Variants in USF3 observed in about 807,000 individuals in gnomAD.
USF3 encodes basic helix-loop-helix domain-containing protein USF3.
USF3 carries 29 observed loss-of-function variants against 157.5 expected under a neutral mutation model. The ratio of observed to expected loss-of-function variants is 0.18; its 90% CI spans 0.14 to 0.25. The LOEUF is 0.25. USF3 is among the 10% of genes least tolerant of loss of function. USF3 has a pLI of 1.00. For synonymous variants in USF3, 893 were observed against 941.4 expected (o/e 0.95, Z 0.94); for missense variants, 2,381 against 2,667.6 (o/e 0.89, Z 2.37).
rs534755701 is a variant in USF3, at chr3:113,656,521, C to T, written c.5161G>A (p.Val1721Met). The change falls in exon 7 of 7, where the codon GTG (valine) becomes ATG (methionine). Residue 1721 changes from valine (V) to methionine (M), a missense_variant. Val to Met is a conservative substitution (Grantham distance 21). This residue lies in a region of USF3 where 770 missense variants were observed against 824.2 expected (regional missense o/e 0.93). Coordinates refer to ENST00000316407, the MANE Select transcript of USF3 (RefSeq NM_001009899.4). ...SLAIHNMQGR[V>M]DHTVASDIRL... ...ATATCTGAGGCCACAGTATGGTCCA[C>T]ACGACCCTGCATATTATGAATAGCC... 3.7e-6 allele frequency: 6 copies of T among 1,614,226 alleles called. No individual in the cohort carries two copies. Among genetic ancestry groups the T allele is most frequent in the African/African-American group, 1.3e-5 (1 of 75,060 alleles).
chr3:113,655,014 T>C lies in USF3; in HGVS notation c.6668A>G (p.Lys2223Arg), dbSNP rs1346551144. ...IANSSASDSS[K>R]QSSNRPAHNI... The stretch of plus-strand genomic sequence containing the variant: ...ATGGGCAGGTCTGTTTGAGGACTGC[T>C]TGGAAGAGTCAGAGGCAGAGGAATT... Residue 2223 changes from lysine (K) to arginine (R), a missense_variant, in exon 7 of 7, where the codon AAG becomes AGG. By Grantham distance (26) the Lys-to-Arg change is conservative. Coordinates refer to ENST00000316407, the MANE Select transcript of USF3 (RefSeq NM_001009899.4). 1.2e-6 allele frequency: 2 copies of C among 1,614,078 alleles called. No homozygotes were observed. The highest frequency in any genetic ancestry group is 1.7e-6 in the Non-Finnish European group (2 of 1,180,024).
Position 113,674,827 on chromosome 3 carries a change from C to T in USF3, c.47+5G>A. 1.2e-6 allele frequency: 2 copies of T among 1,612,448 alleles called. No individual in the cohort carries two copies. The highest frequency in any genetic ancestry group is 1.1e-5 in the South Asian group (1 of 91,030). On this transcript the variant is annotated splice_donor_5th_base_variant and intron_variant, in intron 3 of 6. Coordinates refer to ENST00000316407, the MANE Select transcript of USF3 (RefSeq NM_001009899.4). ...GCATATTATATTGGGGCTGTGGATA[C>T]ATACCTGTGCTGCTTTTTTGTAGGC...
At position 113,655,359 on chromosome 3, in the gene USF3, G is replaced by T. The variant is rs745404434; in HGVS notation, c.6323C>A (p.Pro2108His). 1 of 1,613,944 alleles carries T rather than the reference G, an allele frequency of 6.2e-7. No individual in the cohort carries two copies. Among genetic ancestry groups the T allele is most frequent in the Non-Finnish European group, 8.5e-7 (1 of 1,179,880 alleles). ...LIPVDPQNTL[P>H]SFYPPYSPAH... ...AGGAGAGTATGGAGGATAGAAGGAGGGCAGAGTATTTTGCGGATCTACCGG... is the reference window on the plus strand; with the variant it reads ...AGGAGAGTATGGAGGATAGAAGGAGTGCAGAGTATTTTGCGGATCTACCGG... The change falls in exon 7 of 7, where the codon CCC becomes CAC. Residue 2108 changes from proline to histidine, a missense_variant. This residue lies in a region of USF3 where 770 missense variants were observed against 824.2 expected (regional missense o/e 0.93). Transcript: ENST00000316407.
At chr3:113,673,805 A>C (rs1707215387) in intron 3 of USF3, among the ~76,000 whole-genome samples, 1 of 152,230 alleles carries the variant, frequency 6.6e-6, no homozygotes, top group African/African-American at 2.4e-5. Flanking sequence ...CAGCAGAGTA[A>C]TTTTGTAATC....
At chr3:113,677,849 A>G (rs562049922) in intron 1 of USF3, among the ~76,000 whole-genome samples, 2 of 152,330 alleles carry the variant, frequency 1.3e-5, no homozygotes, top group South Asian at 4.1e-4. Context: ...CACTAGGAAG[A>G]CAGCCCTCAG....
At chr3:113,679,053 C>T (rs1039819233) in intron 1 of USF3, among the ~76,000 whole-genome samples, 2 of 151,642 alleles carry the variant, frequency 1.3e-5, no homozygotes, top group Non-Finnish European at 2.9e-5. Context: ...AACTCCTGGC[C>T]TCAAGCGATC....
At chr3:113,696,124 C>T (rs1221325310) in intron 1 of USF3, among the ~76,000 whole-genome samples, 1 of 152,240 alleles carries the variant, frequency 6.6e-6, no homozygotes, top group Admixed American at 6.5e-5. Context: ...CCCCCACGGG[C>T]CTGGCAGCCG....
At chr3:113,670,338 C>A (rs1707121870) in intron 4 of USF3, 135 bp from the exon 5 acceptor site, 1 of 632,380 alleles carries the variant, frequency 1.6e-6, no homozygotes, top group South Asian at 1.8e-5. Flanking sequence ...ATGGTTCACA[C>A]CTGCAAACCC....
At position 113,658,086 on chromosome 3, in the gene USF3, T is replaced by C. The variant is rs1947401193; in HGVS notation, c.3596A>G (p.Gln1199Arg). 2 of 1,614,060 alleles carry C rather than the reference T, an allele frequency of 1.2e-6. No homozygotes were observed. The highest frequency in any genetic ancestry group is 1.7e-6 in the Non-Finnish European group (2 of 1,179,992). ...CTCCATAGTTGCTTCAATTGAACCCTGAGAATTAAATTCATTTGGTGTTGC... is the reference window on the plus strand; with the variant it reads ...CTCCATAGTTGCTTCAATTGAACCCCGAGAATTAAATTCATTTGGTGTTGC... ...AEATPNEFNS[Q>R]GSIEATMERP... The change falls in exon 7 of 7, where the codon CAG (glutamine) becomes CGG (arginine). Residue 1199 changes from glutamine to arginine, a missense_variant. By Grantham distance (43) the Gln-to-Arg change is conservative. This residue lies in a region of USF3 where 1,435 missense variants were observed against 1,550.9 expected (regional missense o/e 0.93). Coordinates refer to ENST00000316407, the MANE Select transcript of USF3 (RefSeq NM_001009899.4).
chr3:113,687,229 TCACACACACACACACACACACACA>T (rs67480409), intron 1 of USF3, among the ~76,000 whole-genome samples: 1 of 102,480 alleles, frequency 9.8e-6, no homozygotes, highest in Admixed American at 9.4e-5. Context: ...ACACACACAG[TCACACACACACACACACACACACA>T]CACACACACA....
At position 113,696,553 on chromosome 3, in the gene USF3, CCCGCCGCCTCTTTTTGCGGCCA is replaced by C. The variant is rs1342395176; in HGVS notation, c.-340_-319del. 6.6e-6 allele frequency: 1 copy of C among 152,038 alleles called. No individual in the cohort carries two copies. The highest frequency in any genetic ancestry group is 1.9e-4 in the East Asian group (1 of 5,176). 9.4% of individuals were successfully genotyped at this position (152,038 alleles called of 1,614,324 possible). A position where few individuals can be genotyped will look rare whatever the true frequency, so the allele number is the denominator to read the frequency against. On this transcript the variant is annotated 5_prime_UTR_variant, in exon 1 of 7. Coordinates refer to ENST00000316407, the MANE Select transcript of USF3 (RefSeq NM_001009899.4). ...GCCCAGGCCCTCCTCTCCCCCCGCC[CCCGCCGCCTCTTTTTGCGGCCA>C]CCGCAGCCGCTGCGAGCCCGAGCCC...
Position 113,649,923 on chromosome 3 carries a change from G to A in USF3, c.*5021C>T. Reference sequence around the variant, plus strand: ...AAGGCCCTTTTCTTTCAAACCCTGGGGAAAGAAAAATGGTAATGTTCAGCC... The same window carrying A: ...AAGGCCCTTTTCTTTCAAACCCTGGAGAAAGAAAAATGGTAATGTTCAGCC... On this transcript the variant is annotated 3_prime_UTR_variant, in exon 7 of 7. Coordinates refer to ENST00000316407, the MANE Select transcript of USF3 (RefSeq NM_001009899.4). 2.9e-6 allele frequency: 2 copies of A among 691,382 alleles called. No homozygotes were observed. Among genetic ancestry groups the A allele is most frequent in the Non-Finnish European group, 2.6e-6 (1 of 380,938 alleles). The allele number at this position is 691,382 out of a possible 1,614,324, so 42.8% of individuals were successfully genotyped here. A position where few individuals can be genotyped will look rare whatever the true frequency, so the allele number is the denominator to read the frequency against.
Position 113,659,896 on chromosome 3 carries a change from C to A in USF3, c.1786G>T (p.Ala596Ser). The A allele has an allele frequency of 6.2e-7, 1 of 1,614,140 alleles. No homozygotes were observed. Among genetic ancestry groups the A allele is most frequent in the Non-Finnish European group, 8.5e-7 (1 of 1,180,028 alleles). ...AGTCGAACAGAACCAGGAGGTGGAGCAGGGAGGAGTGGCAAAGGATTCTGA... is the reference window on the plus strand; with the variant it reads ...AGTCGAACAGAACCAGGAGGTGGAGAAGGGAGGAGTGGCAAAGGATTCTGA... ...ANQNPLPLLPAPPPGSVRLPI... is the reference protein window; with the variant it reads ...ANQNPLPLLPSPPPGSVRLPI... The change falls in exon 7 of 7, where the codon GCT becomes TCT. Residue 596 changes from alanine to serine, a missense_variant. This residue lies in a region of USF3 where 1,435 missense variants were observed against 1,550.9 expected (regional missense o/e 0.93). Coordinates refer to ENST00000316407, the MANE Select transcript of USF3 (RefSeq NM_001009899.4).
In USF3 at chr3:113,664,295, G is replaced by C. The variant is rs1947530129; in HGVS notation, c.256+18C>G. 1 of 1,450,186 alleles carries C rather than the reference G, an allele frequency of 6.9e-7. No homozygotes were observed. Among genetic ancestry groups the C allele is most frequent in the East Asian group, 2.3e-5 (1 of 44,052 alleles). 89.8% of individuals were successfully genotyped at this position (1,450,186 alleles called of 1,614,324 possible). A position where few individuals can be genotyped will look rare whatever the true frequency, so the allele number is the denominator to read the frequency against. On this transcript the variant is annotated intron_variant, in intron 6 of 6. Coordinates refer to ENST00000316407, the MANE Select transcript of USF3 (RefSeq NM_001009899.4). ...CATTTTAAAATACAACAAAAAGTAA[G>C]AACTTTTAAATCTTTACCTTGTTCA...
chr3:113,686,650 T>A (rs1707554221), intron 1 of USF3, among the ~76,000 whole-genome samples: 1 of 152,202 alleles, frequency 6.6e-6, no homozygotes, highest in African/African-American at 2.4e-5. Context: ...TGCTGGAGGG[T>A]TCTATTCAGC....
At chr3:113,688,737 T>C (rs907716213) in intron 1 of USF3, among the ~76,000 whole-genome samples, 4 of 152,208 alleles carry the variant, frequency 2.6e-5, no homozygotes, top group Non-Finnish European at 2.9e-5. Flanking sequence ...GCACAGCCAC[T>C]GCGGTCATTA....
rs13096769 is a variant in USF3 at position 113,681,724 on chromosome 3, A to T, written c.-134-4327T>A. 8.0e-3 allele frequency among the ~76,000 whole-genome samples: 1,156 copies of T among 143,992 alleles called. 14 individuals are homozygous for T. Among genetic ancestry groups the T allele is most frequent in the African/African-American group, 0.026 (1,026 of 39,224 alleles). The allele number at this position is 143,992 out of a possible 152,430, so 94.5% of individuals were successfully genotyped here. ...AATATTATTTCAATTTAAAAAAAAA[A>T]TTTTTTTTTTTTTGAGATGGAGTCT... On this transcript the variant is annotated intron_variant, in intron 1 of 6. Transcript: ENST00000316407.
intron 5 of USF3, among the ~76,000 whole-genome samples, chr3:113,664,959 G>T (rs1210305625): frequency 6.6e-6 from 1 of 152,156 alleles, no homozygotes; most frequent in Admixed American, 6.5e-5. Flanking sequence ...AAGTGAATTG[G>T]CTGGCACTTG....
chr3:113,668,992 G>A (rs1455001483), intron 5 of USF3, among the ~76,000 whole-genome samples: 1 of 152,100 alleles, frequency 6.6e-6, no homozygotes. Context: ...CTAAGAGATG[G>A]TTGGAAGTAT....
Sources: allele counts gnomAD v4.1 joint callset (sites outside exome capture counted in the v4.1 genomes callset), GRCh38; gene constraint gnomAD v4.1.1; regional missense constraint gnomAD v4.1.1; transcripts MANE v1.5; gene names NCBI Gene and HGNC (gene_info 2026-07-23, HGNC 2026-07-21).